Variants in CCDC40 observed in about 807,000 individuals in gnomAD.
CCDC40 encodes coiled-coil domain 40 molecular ruler complex subunit, also known as coiled-coil domain-containing protein 40.
A neutral mutation model predicts 124.5 loss-of-function variants in CCDC40; 104 were observed. The ratio of observed to expected loss-of-function variants is 0.84; its 90% confidence interval spans 0.71 to 0.98. The LOEUF (loss-of-function observed/expected upper bound fraction) is 0.98. CCDC40 is among the 50% of genes least tolerant of loss of function. The pLI, the probability that CCDC40 is intolerant of heterozygous loss-of-function variation, is 0.00. For synonymous variants in CCDC40, 580 were observed against 602.9 expected, an observed-to-expected ratio of 0.96 and a Z score of 0.56; for missense variants, 1,463 against 1,503.9, an observed-to-expected ratio of 0.97 and a Z score of 0.45.
intron 3 of CCDC40, among the ~76,000 whole-genome samples, chr17:80,046,544 T>TAATA (rs1419862166): frequency 2.0e-5 from 3 of 151,174 alleles, no homozygotes; most frequent in Admixed American, 6.6e-5. Context: ...ATAATAATAA[T>TAATA]AATAATAATA....
At chr17:80,092,175 A>C (rs935306199) in intron 17 of CCDC40, 1 of 152,344 alleles carries the variant, frequency 6.6e-6, no homozygotes, top group East Asian at 1.9e-4. Flanking sequence ...CTGGGATTAC[A>C]GGTGTGTGCC....
chr17:80,051,843 G>A (rs2037606787), intron 7 of CCDC40, among the ~76,000 whole-genome samples: 1 of 152,240 alleles, frequency 6.6e-6, no homozygotes. Flanking sequence ...TGGAGCTGGT[G>A]TGGAGCGCCC....
intron 17 of CCDC40, chr17:80,090,239 GT>G (rs2143762165): frequency 1.0e-5 from 9 of 875,312 alleles, no homozygotes; most frequent in Admixed American, 2.7e-5. Flanking sequence ...GCGCAGGCAC[GT>G]GCACGAACAA....
intron 7 of CCDC40, among the ~76,000 whole-genome samples, chr17:80,056,006 A>ATT (rs1323101032): frequency 9.9e-4 from 9 of 9,122 alleles, no homozygotes; most frequent in Admixed American, 3.2e-3. Flanking sequence ...ATATATATAT[A>ATT]TATATATATA....
chr17:80,083,955 C>T lies in CCDC40; in HGVS notation c.1990-788C>T, dbSNP rs141103862. 2.1e-3 allele frequency among the ~76,000 whole-genome samples: 326 copies of T among 152,222 alleles called. 13 individuals carry two copies. In the East Asian group the frequency reaches 0.051, roughly 24 times the overall value. ...ACCAGATTAAAAAGCAGGTTAGCACCCAGTGTGTAGGGTGTGATCCTATTT... is the reference window on the plus strand; with the variant it reads ...ACCAGATTAAAAAGCAGGTTAGCACTCAGTGTGTAGGGTGTGATCCTATTT... On this transcript the variant is annotated intron_variant, in intron 12 of 19. Transcript: ENST00000397545.
At chr17:80,072,418 C>T (rs550218037) in intron 10 of CCDC40, among the ~76,000 whole-genome samples, 29 of 152,200 alleles carry the variant, frequency 1.9e-4, no homozygotes, top group Admixed American at 7.9e-4. Flanking sequence ...CACATTTCCC[C>T]GAGTGTTAGG....
At chr17:80,051,721 T>A (rs1301599341) in intron 7 of CCDC40, among the ~76,000 whole-genome samples, 2 of 148,888 alleles carry the variant, frequency 1.3e-5, no homozygotes, top group Admixed American at 6.7e-5. Flanking sequence ...GAAAGTGACA[T>A]CCACACTGAA....
intron 7 of CCDC40, among the ~76,000 whole-genome samples, chr17:80,057,370 G>A (rs1210759321): frequency 6.6e-6 from 1 of 151,998 alleles, no homozygotes; most frequent in Admixed American, 6.5e-5. Flanking sequence ...TTACAGGCGT[G>A]AGCCACCACA....
intron 7 of CCDC40, among the ~76,000 whole-genome samples, chr17:80,057,296 T>A (rs766344186): frequency 1.9e-4 from 29 of 151,848 alleles, no homozygotes; most frequent in South Asian, 1.9e-3. Context: ...CCATGTTGGC[T>A]AGACTGGTCT....
At chr17:80,050,389 T>C (rs1289960544) in intron 7 of CCDC40, 106 bp downstream of exon 7, 1 of 882,886 alleles carries the variant, frequency 1.1e-6, no homozygotes, top group Non-Finnish European at 1.8e-6. Context: ...TGTGTGTGCA[T>C]CCTGGAGGGG....
At chr17:80,088,389 T>C (rs1048746634) in intron 16 of CCDC40, 1 of 457,358 alleles carries the variant, frequency 2.2e-6, no homozygotes, top group Non-Finnish European at 4.1e-6. Context: ...GTAGCTGGGA[T>C]TACAGGTGCC....
chr17:80,094,988 C>A (rs1290784052), intron 17 of CCDC40, among the ~76,000 whole-genome samples: 1 of 152,200 alleles, frequency 6.6e-6, no homozygotes, highest in Admixed American at 6.5e-5. Flanking sequence ...CAGGATCTGA[C>A]CCTGGCTTAG....
At chr17:80,052,216 GAC>G (rs770486501) in intron 7 of CCDC40, among the ~76,000 whole-genome samples, 3 of 152,200 alleles carry the variant, frequency 2.0e-5, no homozygotes, top group Non-Finnish European at 2.9e-5. Context: ...ATTCAGTATT[GAC>G]ACAGGATCAC....
Position 80,086,144 on chromosome 17 carries a change from G to A in CCDC40, c.2377G>A (p.Glu793Lys), listed in dbSNP as rs367812804. ...EMVKVTQEQE[E>K]QLASLDASKK... ...GGTCAAGGTGACACAGGAGCAGGAG[G>A]AGCAGCTGGCCTCCCTGGACGCATC... Residue 793 changes from glutamate to lysine, a missense_variant, in exon 14 of 20, where the codon GAG becomes AAG. Physicochemically the swap from Glu to Lys is moderately conservative, Grantham distance 56 (BLOSUM62 1). Coordinates refer to ENST00000397545, the MANE Select transcript of CCDC40 (RefSeq NM_017950.4). The surrounding 1 kb of genome is among the most constrained non-coding windows in gnomAD (Gnocchi z 5.5). The A allele has an allele frequency of 2.4e-5, 38 of 1,613,962 alleles. No homozygotes were observed. Among genetic ancestry groups the A allele is most frequent in the Non-Finnish European group, 3.1e-5 (36 of 1,180,020 alleles).
At position 80,040,506 on chromosome 17, in the gene CCDC40, C is replaced by G. The variant is rs1466776554; in HGVS notation, c.552+236C>G. On this transcript the variant is annotated intron_variant, in intron 3 of 19. Transcript: ENST00000397545. Reference sequence around the variant, plus strand: ...CCAGCCTGGCCAACGTGGTGAAATCCTGTCTCTACTAAATATGCAAAAATT... The same window carrying G: ...CCAGCCTGGCCAACGTGGTGAAATCGTGTCTCTACTAAATATGCAAAAATT... 7.4e-5 allele frequency: 40 copies of G among 539,950 alleles called. 1 individual carries two copies. The highest frequency in any genetic ancestry group is 4.3e-5 in the Non-Finnish European group (13 of 299,838). The allele number at this position is 539,950 out of a possible 1,614,324, so 33.4% of individuals were successfully genotyped here. A position where few individuals can be genotyped will look rare whatever the true frequency, so the allele number is the denominator to read the frequency against.
intron 9 of CCDC40, 62 bp downstream of exon 9, chr17:80,059,042 G>A (rs2037827701): frequency 1.2e-6 from 2 of 1,603,890 alleles, no homozygotes; most frequent in South Asian, 1.1e-5. Flanking sequence ...CGCACAGGGT[G>A]CTGGTGGGTC....
chr17:80,059,099 C>A, intron 9 of CCDC40, 119 bp downstream of exon 9: 1 of 1,298,516 alleles, frequency 7.7e-7, no homozygotes, highest in South Asian at 1.2e-5. Context: ...CTGCAGCCAG[C>A]TTACATCTGC....
intron 18 of CCDC40, among the ~76,000 whole-genome samples, chr17:80,097,031 C>T (rs1213944388): frequency 6.6e-6 from 1 of 152,262 alleles, no homozygotes; most frequent in Non-Finnish European, 1.5e-5. Flanking sequence ...CCCCATCTCT[C>T]TGCCACACCT....
rs558268802 is a variant in CCDC40, at chr17:80,100,018, C to T, written c.*243C>T. ...ATCGCAAAGACAGAGCCTGTGACTG[C>T]AGACCCACACACCCACACTCCCACA... is the stretch of plus-strand genomic sequence containing the variant. On this transcript the variant is annotated 3_prime_UTR_variant, in exon 20 of 20. Coordinates refer to ENST00000397545, the MANE Select transcript of CCDC40 (RefSeq NM_017950.4). 1.1e-5 allele frequency: 6 copies of T among 544,988 alleles called. No homozygotes were observed. The highest frequency in any genetic ancestry group is 2.0e-5 in the Non-Finnish European group (6 of 303,072). The allele number at this position is 544,988 out of a possible 1,614,324, so 33.8% of individuals were successfully genotyped here. A position where few individuals can be genotyped will look rare whatever the true frequency, so the allele number is the denominator to read the frequency against.
Sources: allele counts gnomAD v4.1 joint callset (sites outside exome capture counted in the v4.1 genomes callset), GRCh38; gene constraint gnomAD v4.1.1; non-coding constraint Gnocchi (gnomAD v3.1); transcripts MANE v1.5; gene names NCBI Gene and HGNC (gene_info 2026-07-23, HGNC 2026-07-21).